CALN1: variants seen among roughly 807,000 people sequenced by gnomAD.
CALN1 encodes the protein calcium-binding protein 8.
CALN1 carries 17 observed loss-of-function variants against 30.6 expected under a neutral mutation model. The observed-to-expected ratio is 0.56, with a 90% CI of 0.38 to 0.83. CALN1 has a LOEUF of 0.83. Among genes scored for constraint, CALN1 ranks in the 40% least tolerant of loss-of-function variants. CALN1 has a pLI of 0.00. For missense variants in CALN1, 291 were observed against 354.9 expected (o/e 0.82, Z 1.45); for synonymous variants, 156 against 131.4 (o/e 1.19, Z -1.28).
At chr7:72,384,384 A>G (rs1166008887) in intron 2 of CALN1, among the ~76,000 whole-genome samples, 2 of 152,228 alleles carry the variant, frequency 1.3e-5, no homozygotes, top group African/African-American at 4.8e-5. Flanking sequence ...GATCGTACAC[A>G]AAGAAATGAA....
intron 5 of CALN1, among the ~76,000 whole-genome samples, chr7:71,970,731 T>C (rs1797752806): frequency 6.6e-6 from 1 of 152,154 alleles, no homozygotes. Flanking sequence ...ACATTTTCAA[T>C]AAGGAGCAGA....
chr7:71,908,616 C>T (rs561704134), intron 5 of CALN1, among the ~76,000 whole-genome samples: 27 of 152,132 alleles, frequency 1.8e-4, no homozygotes, highest in Non-Finnish European at 2.2e-4. Context: ...ATAAACACAA[C>T]GATGCATAAC....
rs1176495457 is a variant in CALN1, at chr7:71,781,029, C to G, written c.*6746G>C. 6.6e-6 allele frequency: 1 copy of G among 152,186 alleles called. No individual in the cohort carries two copies. The highest frequency in any genetic ancestry group is 1.5e-5 in the Non-Finnish European group (1 of 68,044). 9.4% of individuals were successfully genotyped at this position (152,186 alleles called of 1,614,324 possible). A position where few individuals can be genotyped will look rare whatever the true frequency, so the allele number is the denominator to read the frequency against. On this transcript the variant is annotated 3_prime_UTR_variant, in exon 7 of 7. Transcript: ENST00000395275. ...TGTTTCATTTACAGACAGCGGACAC[C>G]AAAAGAGAGACTTTATCACAACTGC...
At chr7:71,932,180 A>C (rs1000422548) in intron 5 of CALN1, among the ~76,000 whole-genome samples, 1 of 152,148 alleles carries the variant, frequency 6.6e-6, no homozygotes, top group Non-Finnish European at 1.5e-5. Context: ...CAAGACCCCT[A>C]ATAAATGTTT....
rs375273354 is a variant in CALN1 at position 71,800,412 on chromosome 7, C to G, written c.658+9924G>C. On this transcript the variant is annotated intron_variant, in intron 6 of 6. Transcript: ENST00000395275. The stretch of plus-strand genomic sequence containing the variant: ...TTCTTTTGTCCCTCATATGGAAGCG[C>G]TGAGTGATTCAGAGCAGCTCTGTCT... Among the ~76,000 whole-genome samples, 35 of 152,260 alleles carry G rather than the reference C, an allele frequency of 2.3e-4. 2 individuals are homozygous for G. The South Asian group carries it at 6.8e-3, about 30-fold the overall frequency.
chr7:72,459,585 C>T, the CALN1 span, among the ~76,000 whole-genome samples: 1 of 146,302 alleles, frequency 6.8e-6, no homozygotes, highest in African/African-American at 2.6e-5. Context: ...ATGATGGTGC[C>T]ACTGCACTCC....
chr7:72,286,394 G>C (rs1028021845), intron 2 of CALN1, among the ~76,000 whole-genome samples: 1 of 152,208 alleles, frequency 6.6e-6, no homozygotes, highest in Non-Finnish European at 1.5e-5. Context: ...TGCACATGAA[G>C]ATGAGAAATT....
chr7:72,209,588 A>G (rs868146948), intron 3 of CALN1, among the ~76,000 whole-genome samples: 9 of 150,834 alleles, frequency 6.0e-5, no homozygotes, highest in African/African-American at 2.2e-4. Flanking sequence ...CAAACAATCA[A>G]TGGTTTTTAG....
chr7:72,102,309 G>A (rs1806730601), intron 4 of CALN1, among the ~76,000 whole-genome samples: 1 of 152,092 alleles, frequency 6.6e-6, no homozygotes, highest in Non-Finnish European at 1.5e-5. Flanking sequence ...GCCGGGCGTG[G>A]TGGCGCACGT....
At chr7:71,881,684 C>G (rs1401654954) in intron 5 of CALN1, among the ~76,000 whole-genome samples, 1 of 152,130 alleles carries the variant, frequency 6.6e-6, no homozygotes, top group Non-Finnish European at 1.5e-5. Context: ...ATCCCGGGCT[C>G]TCCATGATTT....
At chr7:71,808,442 TAATA>T (rs1787748994) in intron 6 of CALN1, among the ~76,000 whole-genome samples, 2 of 151,664 alleles carry the variant, frequency 1.3e-5, no homozygotes, top group Admixed American at 6.6e-5. Context: ...GTATGGTTAT[TAATA>T]AATATAATTG....
intron 2 of CALN1, among the ~76,000 whole-genome samples, chr7:72,341,579 C>T (rs1802388424): frequency 6.6e-6 from 1 of 152,104 alleles, no homozygotes; most frequent in African/African-American, 2.4e-5. Flanking sequence ...GAGATACACA[C>T]ATGAAGTTCC....
intron 5 of CALN1, among the ~76,000 whole-genome samples, chr7:71,996,594 G>C (rs1007072797): frequency 6.6e-6 from 1 of 152,122 alleles, no homozygotes; most frequent in African/African-American, 2.4e-5. Flanking sequence ...AGTATTCCGT[G>C]GTGTATATGT....
chr7:71,931,520 G>A (rs191196860), intron 5 of CALN1, among the ~76,000 whole-genome samples: 15 of 152,322 alleles, frequency 9.8e-5, no homozygotes, highest in Admixed American at 2.6e-4. Flanking sequence ...GCCTACTTTG[G>A]CCTCCCAAAG....
chr7:72,362,131 TTAAG>T (rs1392943114), intron 2 of CALN1, among the ~76,000 whole-genome samples: 1 of 152,188 alleles, frequency 6.6e-6, no homozygotes, highest in African/African-American at 2.4e-5. Flanking sequence ...TGACAGTTTC[TTAAG>T]TATGTTAATT....
chr7:72,180,769 G>A (rs752987766), intron 3 of CALN1, among the ~76,000 whole-genome samples: 8 of 151,448 alleles, frequency 5.3e-5, no homozygotes, highest in Non-Finnish European at 7.4e-5. Context: ...CGCCGGGCTT[G>A]TTTATGCTTT....
chr7:72,037,909 C>T (rs922371390), intron 4 of CALN1, among the ~76,000 whole-genome samples: 3 of 152,226 alleles, frequency 2.0e-5, no homozygotes, highest in African/African-American at 7.2e-5. Flanking sequence ...ATGTCCCACT[C>T]CTTAATGTCT....
intron 3 of CALN1, among the ~76,000 whole-genome samples, chr7:72,106,951 AAG>A (rs1253268678): frequency 6.6e-6 from 1 of 151,676 alleles, no homozygotes; most frequent in Non-Finnish European, 1.5e-5. Context: ...AAAAAAGAAA[AAG>A]AAATGAAGAA....
At chr7:71,965,122 T>C (rs1228299547) in intron 5 of CALN1, among the ~76,000 whole-genome samples, 1 of 152,126 alleles carries the variant, frequency 6.6e-6, no homozygotes, top group African/African-American at 2.4e-5. Flanking sequence ...CTACCTCTTG[T>C]GTTCAAGTCA....
Sources: gnomAD v4.1 joint callset for allele counts (sites outside exome capture counted in the v4.1 genomes callset) on GRCh38, gnomAD v4.1.1 for gene constraint, MANE v1.5 for transcripts, NCBI Gene and HGNC (gene_info 2026-07-23, HGNC 2026-07-21) for gene names.